The following RBFOX3 variants were observed in gnomAD, a reference collection of about 807,000 sequenced individuals.
RBFOX3 encodes RNA binding fox-1 homolog 3, also known as RNA binding protein fox-1 homolog 3.
Under a neutral mutation model 48.7 loss-of-function variants are expected in RBFOX3, and 17 were observed. The ratio of observed to expected loss-of-function variants is 0.35; its 90% CI spans 0.24 to 0.52. RBFOX3 has a LOEUF of 0.52. RBFOX3 is among the 20% of genes least tolerant of loss of function. RBFOX3 has a pLI of 0.94. For missense variants in RBFOX3, 382 were observed against 497.5 expected (o/e 0.77, Z 2.21); for synonymous variants, 212 against 209.5 (o/e 1.01, Z -0.10).
chr17:79,275,123 C>CCTCTCTCTCTCTCCCTCTCTCTCTCTCT (rs2068520426), intron 3 of RBFOX3, among the ~76,000 whole-genome samples: 1 of 130,594 alleles, frequency 7.7e-6, no homozygotes, highest in Non-Finnish European at 1.6e-5. Flanking sequence ...TCCATGTCTC[C>CCTCTCTCTCTCTCCCTCTCTCTCTCTCT]CTCTCTCTCT....
chr17:79,509,322 C>A (rs1391792486), intron 1 of RBFOX3, among the ~76,000 whole-genome samples: 3 of 152,026 alleles, frequency 2.0e-5, no homozygotes, highest in Non-Finnish European at 2.9e-5. Context: ...GCTACACAAA[C>A]GGACAAGAAG....
In RBFOX3 at chr17:79,392,955, T is replaced by C. The variant is rs2061529955; in HGVS notation, c.-174-85131A>G. 6.6e-6 allele frequency among the ~76,000 whole-genome samples: 1 copy of C among 152,164 alleles called. No individual in the cohort carries two copies. The highest frequency in any genetic ancestry group is 2.4e-5 in the African/African-American group (1 of 41,446). On this transcript the variant is annotated intron_variant, in intron 2 of 14. Transcript: ENST00000693108. This position sits in a 1 kb window ranked among gnomAD's most constrained non-coding sequence, Gnocchi z 5.0. ...ATCAGTTAACGAACACACATTTCCT[T>C]TCCCCAAACCTAAACTACCAAGCAA...
the RBFOX3 span, among the ~76,000 whole-genome samples, chr17:79,620,999 CTTTTTT>C: frequency 1.5e-5 from 2 of 135,888 alleles, no homozygotes; most frequent in Non-Finnish European, 1.6e-5. Flanking sequence ...AATCCAACTT[CTTTTTT>C]TTTTTTTTTT....
rs112008063 is a variant in RBFOX3, at chr17:79,127,432, C to G, written c.-33-11684G>C. ...AGAGGAGGTGGGAAGAACGGAGGAA[C>G]AGAAGAACAGGCATTTCTAGACAAT... On this transcript the variant is annotated intron_variant, in intron 4 of 14. Transcript: ENST00000693108. Among the ~76,000 whole-genome samples the G allele has an allele frequency of 6.4e-3, 980 of 152,232 alleles. 10 individuals carry two copies. Among genetic ancestry groups the G allele is most frequent in the African/African-American group, 0.022 (929 of 41,520 alleles).
chr17:79,256,062 G>A (rs1287219640), intron 3 of RBFOX3, among the ~76,000 whole-genome samples: 1 of 151,736 alleles, frequency 6.6e-6, no homozygotes, highest in African/African-American at 2.4e-5. Flanking sequence ...AACTTCCCTG[G>A]TGCGGACGGG....
chr17:79,439,712 T>G (rs577547833), intron 2 of RBFOX3, among the ~76,000 whole-genome samples: 1 of 152,114 alleles, frequency 6.6e-6, no homozygotes, highest in African/African-American at 2.4e-5. Context: ...GCACACACAC[T>G]CAGTGGCATA....
chr17:79,183,882 C>T (rs1295673895), intron 4 of RBFOX3, among the ~76,000 whole-genome samples: 1 of 152,066 alleles, frequency 6.6e-6, no homozygotes, highest in Non-Finnish European at 1.5e-5. Context: ...TCGCGCCCTC[C>T]CACGCTCGGG....
intron 4 of RBFOX3, among the ~76,000 whole-genome samples, chr17:79,227,342 G>A (rs1323213877): frequency 2.0e-5 from 3 of 152,218 alleles, no homozygotes. Flanking sequence ...CTGGGCTGGT[G>A]TCCTTTGATC....
At chr17:79,459,270 G>A (rs1323084415) in intron 2 of RBFOX3, among the ~76,000 whole-genome samples, 4 of 152,186 alleles carry the variant, frequency 2.6e-5, no homozygotes, top group Non-Finnish European at 5.9e-5. Context: ...GAGGCAGAGA[G>A]AGCTGCTGCT....
chr17:79,359,477 T>C (rs2085874332), intron 2 of RBFOX3, among the ~76,000 whole-genome samples: 1 of 152,222 alleles, frequency 6.6e-6, no homozygotes, highest in Non-Finnish European at 1.5e-5. Flanking sequence ...CATATTTTGC[T>C]GAAGGTGAGG....
intron 2 of RBFOX3, among the ~76,000 whole-genome samples, chr17:79,320,626 C>T (rs772842776): frequency 1.3e-5 from 2 of 152,306 alleles, no homozygotes; most frequent in African/African-American, 2.4e-5. Flanking sequence ...TCCTTTGCAA[C>T]GAAACCACGA....
intron 4 of RBFOX3, among the ~76,000 whole-genome samples, chr17:79,208,281 G>A (rs2057803282): frequency 1.3e-5 from 2 of 152,212 alleles, no homozygotes; most frequent in Admixed American, 1.3e-4. Flanking sequence ...CAGCCAGGCT[G>A]TCTCTGTCAC....
intron 1 of RBFOX3, among the ~76,000 whole-genome samples, chr17:79,485,696 G>C (rs1432227510): frequency 6.6e-6 from 1 of 152,196 alleles, no homozygotes; most frequent in African/African-American, 2.4e-5. Flanking sequence ...GCAGCCGCCG[G>C]CTTAGAAGAT....
At chr17:79,322,181 T>A (rs879893989) in intron 2 of RBFOX3, among the ~76,000 whole-genome samples, 4 of 151,878 alleles carry the variant, frequency 2.6e-5, no homozygotes, top group Admixed American at 6.6e-5. Flanking sequence ...GAGGGTGGGT[T>A]TTGAGCTGTG....
chr17:79,226,435 G>A (rs943523967), intron 4 of RBFOX3, among the ~76,000 whole-genome samples: 8 of 152,224 alleles, frequency 5.3e-5, no homozygotes, highest in Admixed American at 4.6e-4. Flanking sequence ...TTTTGTAATG[G>A]TTGGTATTCA....
chr17:79,664,431 C>T, the RBFOX3 span, among the ~76,000 whole-genome samples: 1 of 152,074 alleles, frequency 6.6e-6, no homozygotes, highest in Non-Finnish European at 1.5e-5. Flanking sequence ...CTGCAGGCTC[C>T]GCCCCCCGGG....
intron 2 of RBFOX3, among the ~76,000 whole-genome samples, chr17:79,396,940 A>T (rs1484358485): frequency 6.6e-6 from 1 of 152,254 alleles, no homozygotes; most frequent in Admixed American, 6.5e-5. Flanking sequence ...GAAGTCTGCA[A>T]GGAGAACGAA....
At chr17:79,427,462 T>C (rs1555726170) in intron 2 of RBFOX3, among the ~76,000 whole-genome samples, 1 of 152,238 alleles carries the variant, frequency 6.6e-6, no homozygotes, top group East Asian at 1.9e-4. Context: ...TCCTACAAGA[T>C]TTCCCACAAA....
intron 5 of RBFOX3, among the ~76,000 whole-genome samples, chr17:79,114,418 G>A (rs988082389): frequency 1.3e-5 from 2 of 152,200 alleles, no homozygotes; most frequent in African/African-American, 2.4e-5. Context: ...GAAAGGCACC[G>A]CCTGGGTGCC....
Sources: allele counts gnomAD v4.1 joint callset (sites outside exome capture counted in the v4.1 genomes callset), GRCh38; gene constraint gnomAD v4.1.1; non-coding constraint Gnocchi (gnomAD v3.1); transcripts MANE v1.5; gene names NCBI Gene and HGNC (gene_info 2026-07-23, HGNC 2026-07-21).